Variants in TTC17 observed in about 807,000 individuals in gnomAD.
TTC17 encodes the protein tetratricopeptide repeat protein 17.
Under a neutral mutation model 143.8 loss-of-function variants are expected in TTC17, and 58 were observed. That is an observed-to-expected ratio of 0.40 (90% CI 0.33 to 0.50). TTC17 has a LOEUF of 0.50. Among genes scored for constraint, TTC17 ranks in the 20% least tolerant of loss-of-function variants. The pLI is 0.49. For synonymous variants in TTC17, 501 were observed against 497.8 expected (o/e 1.01, Z -0.09); for missense variants, 1,273 against 1,392.5 (o/e 0.91, Z 1.37).
chr11:43,450,127 A>G lies in TTC17; in HGVS notation c.2832A>G (p.Ala944=). 2 of 1,614,170 alleles carry G rather than the reference A, an allele frequency of 1.2e-6. No individual in the cohort carries two copies. The highest frequency in any genetic ancestry group is 1.7e-6 in the Non-Finnish European group (2 of 1,180,024). ...TTGCCACCCCTATACAGCAGCCAGC[A>G]ATGGAGCCTCTTTGCAATGGCAATC... ...IDFATPIQQP[A]MEPLCNGNLP... Residue 944 remains alanine, a synonymous_variant, in exon 20 of 24, where the codon GCA becomes GCG. Transcript: ENST00000039989.
chr11:43,453,188 TAAA>T (rs1260040152), intron 21 of TTC17, among the ~76,000 whole-genome samples: 2 of 133,030 alleles, frequency 1.5e-5, no homozygotes, highest in African/African-American at 5.6e-5. Flanking sequence ...ATAAGAGAGT[TAAA>T]GAAAAATTGA....
chr11:43,460,197 A>G (rs1000334945), intron 21 of TTC17, among the ~76,000 whole-genome samples: 6 of 151,858 alleles, frequency 4.0e-5, no homozygotes, highest in Non-Finnish European at 8.8e-5. Context: ...GGTTGAAAGT[A>G]TTTTCCTCTA....
At chr11:43,387,593 T>C (rs1314477282) in intron 2 of TTC17, among the ~76,000 whole-genome samples, 1 of 152,180 alleles carries the variant, frequency 6.6e-6, no homozygotes, top group African/African-American at 2.4e-5. Flanking sequence ...ATCTGTACCA[T>C]GTCACTGTGA....
intron 16 of TTC17, among the ~76,000 whole-genome samples, chr11:43,427,777 T>C (rs904601536): frequency 3.9e-5 from 6 of 152,256 alleles, no homozygotes; most frequent in African/African-American, 1.2e-4. Context: ...TCCTAGCTCC[T>C]TGAGTACAGA....
intron 11 of TTC17, 88 bp from the exon 12 acceptor site, chr11:43,405,423 AATT>A (rs1336155568): frequency 2.2e-6 from 2 of 914,118 alleles, no homozygotes; most frequent in African/African-American, 1.7e-5. Context: ...AGTTTTGTTC[AATT>A]ATTGTAGTAT....
intron 21 of TTC17, among the ~76,000 whole-genome samples, chr11:43,482,114 C>A (rs551246172): frequency 1.1e-4 from 16 of 152,078 alleles, no homozygotes; most frequent in African/African-American, 3.1e-4. Context: ...TTTTATTGAT[C>A]TTAAATAATC....
intron 1 of TTC17, chr11:43,359,443 T>G: frequency 6.6e-6 from 2 of 304,040 alleles, no homozygotes; most frequent in African/African-American, 2.2e-5. Flanking sequence ...GATTTCAGGA[T>G]TCCTGCCTTT....
intron 16 of TTC17, among the ~76,000 whole-genome samples, chr11:43,422,009 G>T (rs1215611336): frequency 4.6e-5 from 7 of 152,164 alleles, no homozygotes. Context: ...GACTAGTGGG[G>T]TAAGAGCGGA....
At chr11:43,449,786 T>C in intron 19 of TTC17, 1 of 290,850 alleles carries the variant, frequency 3.4e-6, no homozygotes, top group Non-Finnish European at 6.4e-6. Flanking sequence ...CGGCTGTATC[T>C]CTATAAGATT....
chr11:43,419,604 A>G (rs1946853753), intron 16 of TTC17, among the ~76,000 whole-genome samples: 1 of 152,222 alleles, frequency 6.6e-6, no homozygotes, highest in Non-Finnish European at 1.5e-5. Flanking sequence ...TTGCTTTATC[A>G]CATCCTTTTA....
chr11:43,412,027 ATAAATT>A (rs1460673978), intron 15 of TTC17, among the ~76,000 whole-genome samples: 1 of 152,220 alleles, frequency 6.6e-6, no homozygotes, highest in Admixed American at 6.5e-5. Context: ...TAATAATAAA[ATAAATT>A]TAAAACATAT....
At chr11:43,448,844 T>G (rs986686985) in intron 19 of TTC17, 1 of 152,230 alleles carries the variant, frequency 6.6e-6, no homozygotes, top group Non-Finnish European at 1.5e-5. Context: ...TGTTTTTTTT[T>G]GTTTTGTTTT....
intron 22 of TTC17, chr11:43,491,782 T>G: frequency 1.9e-6 from 1 of 530,740 alleles, no homozygotes; most frequent in Non-Finnish European, 3.4e-6. Flanking sequence ...TCAGCTGACA[T>G]TTTGTTGTGT....
chr11:43,458,535 A>T (rs1947805936), intron 21 of TTC17, among the ~76,000 whole-genome samples: 1 of 152,204 alleles, frequency 6.6e-6, no homozygotes, highest in Admixed American at 6.5e-5. Context: ...TCTTGATAAG[A>T]CATGGGTGAA....
At chr11:43,493,379 C>G (rs936028228) in intron 23 of TTC17, among the ~76,000 whole-genome samples, 1 of 152,164 alleles carries the variant, frequency 6.6e-6, no homozygotes, top group Non-Finnish European at 1.5e-5. Flanking sequence ...AGGCACGGTT[C>G]TGGAGGTTTC....
chr11:43,370,763 A>G (rs1319998031), intron 1 of TTC17, among the ~76,000 whole-genome samples: 2 of 151,784 alleles, frequency 1.3e-5, no homozygotes, highest in Non-Finnish European at 2.9e-5. Flanking sequence ...AATATGATAT[A>G]TAAACTGTCA....
intron 21 of TTC17, among the ~76,000 whole-genome samples, chr11:43,471,236 A>G (rs7114180): frequency 0.092 from 14,056 of 152,250 alleles, 805 homozygotes; most frequent in Middle Eastern, 0.16. Context: ...ACATAGTCCT[A>G]TGTAACCATG....
chr11:43,484,121 G>A (rs1038410226), intron 21 of TTC17, among the ~76,000 whole-genome samples: 1 of 152,132 alleles, frequency 6.6e-6, no homozygotes, highest in Non-Finnish European at 1.5e-5. Context: ...CAGCCTGGGC[G>A]AGAGAGCGAG....
intron 3 of TTC17, 124 bp from the exon 4 acceptor site, chr11:43,391,341 G>A (rs1229891202): frequency 3.1e-6 from 2 of 650,562 alleles, no homozygotes; most frequent in Admixed American, 6.1e-5. Context: ...CAAGGCTGCA[G>A]TGAGCTGTGA....
Sources: allele counts gnomAD v4.1 joint callset (sites outside exome capture counted in the v4.1 genomes callset), GRCh38; gene constraint gnomAD v4.1.1; transcripts MANE v1.5; gene names NCBI Gene and HGNC (gene_info 2026-07-23, HGNC 2026-07-21).